HSF1: variants seen among roughly 807,000 people sequenced by gnomAD.
HSF1 encodes heat shock factor protein 1.
In HSF1, 32 loss-of-function variants were observed where a neutral mutation model predicts 51.7. The observed-to-expected ratio is 0.62, with a 90% confidence interval of 0.47 to 0.83. The LOEUF is 0.83. HSF1 is among the 40% of genes least tolerant of loss of function. The pLI is 0.00. For synonymous variants in HSF1, 396 were observed against 309.7 expected, an observed-to-expected ratio of 1.28 and a Z score of -2.92; for missense variants, 727 against 717.0, an observed-to-expected ratio of 1.01 and a Z score of -0.16.
At position 144,312,104 on chromosome 8, in the gene HSF1, C is replaced by A; in HGVS notation, c.1002C>A (p.Ile334=). The stretch of plus-strand genomic sequence containing the variant: ...CCCCGACCGCCCTCATTGACTCCAT[C>A]CTGCGGGAGAGTGAACCTGCCCCCG... ...LLSPTALIDS[I]LRESEPAPAS... The change falls in exon 9 of 13, where the codon ATC becomes ATA. Residue 334 remains isoleucine, a synonymous_variant. Transcript: ENST00000528838. 6.2e-7 allele frequency: 1 copy of A among 1,612,500 alleles called. No homozygotes were observed. The highest frequency in any genetic ancestry group is 8.5e-7 in the Non-Finnish European group (1 of 1,179,838).
chr8:144,300,664 G>A (rs1341615936), intron 1 of HSF1, among the ~76,000 whole-genome samples: 1 of 152,190 alleles, frequency 6.6e-6, no homozygotes, highest in Non-Finnish European at 1.5e-5. Context: ...CCTCAAAATT[G>A]TCAAGGTTCT....
At chr8:144,308,255 T>A (rs1258964529) in intron 1 of HSF1, among the ~76,000 whole-genome samples, 2 of 152,170 alleles carry the variant, frequency 1.3e-5, no homozygotes, top group Non-Finnish European at 2.9e-5. Context: ...CGATGTCCCC[T>A]CTGAGCCACC....
chr8:144,298,425 C>T (rs1456956554), intron 1 of HSF1, among the ~76,000 whole-genome samples: 5 of 144,238 alleles, frequency 3.5e-5, no homozygotes, highest in African/African-American at 1.0e-4. Context: ...GGTGAAACCC[C>T]GTCTCTACTA....
chr8:144,314,297 G>GCCTCCCAAAGCCAAGGAC lies in HSF1; in HGVS notation c.1560_1577dup (p.Pro521_Pro526dup), dbSNP rs1817074205. On this transcript the variant is annotated inframe_insertion, in exon 13 of 13. Coordinates refer to ENST00000528838, the MANE Select transcript of HSF1 (RefSeq NM_005526.4). ...CCATCTCCCTGCTGACAGGCTCGGA[G>GCCTCCCAAAGCCAAGGAC]CCTCCCAAAGCCAAGGACCCCACTG... 1 of 1,550,500 alleles carries GCCTCCCAAAGCCAAGGAC rather than the reference G, an allele frequency of 6.4e-7. No individual in the cohort carries two copies. The highest frequency in any genetic ancestry group is 1.4e-5 in the African/African-American group (1 of 73,058).
Position 144,309,616 on chromosome 8 carries a change from C to T in HSF1, c.363+25C>T, listed in dbSNP as rs35836645. ...TGTGAGTGCCGGCCCTGCACCCTTG[C>T]CCGGTCTCACCTGCCACAGCTCTCC... On this transcript the variant is annotated intron_variant, in intron 3 of 12. Transcript: ENST00000528838. 33 of 1,611,870 alleles carry T rather than the reference C, an allele frequency of 2.0e-5. No individual in the cohort carries two copies. In the South Asian group the frequency reaches 3.4e-4, roughly 17 times the overall value.
At chr8:144,292,389 C>T (rs1815151125) in intron 1 of HSF1, 1 of 152,400 alleles carries the variant, frequency 6.6e-6, no homozygotes, top group Non-Finnish European at 1.5e-5. Flanking sequence ...AGGTTGATCT[C>T]AAGCCCGTTT....
chr8:144,306,224 G>C (rs561843695), intron 1 of HSF1, among the ~76,000 whole-genome samples: 1 of 148,496 alleles, frequency 6.7e-6, no homozygotes, highest in Non-Finnish European at 1.5e-5. Context: ...TCTTTGCCTC[G>C]TAAGTCCAGT....
chr8:144,307,153 C>T (rs983474417), intron 1 of HSF1, among the ~76,000 whole-genome samples: 6 of 152,226 alleles, frequency 3.9e-5, no homozygotes, highest in Non-Finnish European at 5.9e-5. Flanking sequence ...CTCCTTCTCC[C>T]CAGCTGCCAG....
At chr8:144,311,135 TG>T in intron 4 of HSF1, 38 bp from the exon 5 acceptor site, 1 of 1,547,294 alleles carries the variant, frequency 6.5e-7, no homozygotes, top group Non-Finnish European at 8.8e-7. Flanking sequence ...CTGGGGCTCA[TG>T]GGATTGGGCC....
chr8:144,301,722 G>A (rs190367195), intron 1 of HSF1, among the ~76,000 whole-genome samples: 506 of 152,202 alleles, frequency 3.3e-3, no homozygotes, highest in African/African-American at 1.0e-2. Context: ...AAAATTAGCC[G>A]GGCGTGGTGG....
chr8:144,308,604 CCTT>C (rs546545437), intron 1 of HSF1, among the ~76,000 whole-genome samples: 133 of 152,320 alleles, frequency 8.7e-4, no homozygotes, highest in African/African-American at 3.0e-3. Flanking sequence ...GGAAACGTGG[CCTT>C]CTCTGGAAGC....
In HSF1 at chr8:144,291,906, G is replaced by A. The variant is rs1554840457; in HGVS notation, c.117+32G>A. On this transcript the variant is annotated intron_variant, in intron 1 of 12. Transcript: ENST00000528838. The surrounding 1 kb of genome is among the most constrained non-coding windows in gnomAD (Gnocchi z 4.1). ...GCAGCGCGCGGGCGCGGGGCCCGTGGGGACCGGGAGGGAGCAGGGCCGCGG... is the reference window on the plus strand; with the variant it reads ...GCAGCGCGCGGGCGCGGGGCCCGTGAGGACCGGGAGGGAGCAGGGCCGCGG... The A allele has an allele frequency of 2.4e-6, 3 of 1,259,478 alleles. No individual in the cohort carries two copies. Among genetic ancestry groups the A allele is most frequent in the South Asian group, 3.0e-5 (2 of 65,802 alleles). 78.0% of individuals were successfully genotyped at this position (1,259,478 alleles called of 1,614,324 possible). A position where few individuals can be genotyped will look rare whatever the true frequency, so the allele number is the denominator to read the frequency against.
rs782080128 is a variant in HSF1, at chr8:144,309,450, T to A, written c.227-5T>A. 17 of 1,613,790 alleles carry A rather than the reference T, an allele frequency of 1.1e-5. No individual in the cohort carries two copies. The East Asian group carries it at 2.9e-4, about 27-fold the overall frequency. ...CAGAGCTGCCCCCTTCCCTGTTATGTGCAGATGGCTTCCGGAAAGTGGTCC... is the reference window on the plus strand; with the variant it reads ...CAGAGCTGCCCCCTTCCCTGTTATGAGCAGATGGCTTCCGGAAAGTGGTCC... On this transcript the variant is annotated splice_region_variant and splice_polypyrimidine_tract_variant and intron_variant, in intron 2 of 12. Transcript: ENST00000528838.
At position 144,312,093 on chromosome 8, in the gene HSF1, A is replaced by G; in HGVS notation, c.991A>G (p.Ile331Val). The G allele has an allele frequency of 6.2e-7, 1 of 1,611,962 alleles. No individual in the cohort carries two copies. The highest frequency in any genetic ancestry group is 8.5e-7 in the Non-Finnish European group (1 of 1,179,756). The change falls in exon 9 of 13, where the codon ATT becomes GTT. Residue 331 changes from isoleucine to valine, a missense_variant. Physicochemically the swap from Ile to Val is conservative, Grantham distance 29. Around this residue, in one of 2 missense-constraint regions of HSF1, gnomAD observed 470 missense variants for 398.8 expected, o/e 1.18. Coordinates refer to ENST00000528838, the MANE Select transcript of HSF1 (RefSeq NM_005526.4). Reference sequence around the variant, plus strand: ...CACCCTCTTGTCCCCGACCGCCCTCATTGACTCCATCCTGCGGGAGAGTGA... The same window carrying G: ...CACCCTCTTGTCCCCGACCGCCCTCGTTGACTCCATCCTGCGGGAGAGTGA... ...VDTLLSPTAL[I>V]DSILRESEPA...
At chr8:144,307,111 A>G (rs1816274475) in intron 1 of HSF1, among the ~76,000 whole-genome samples, 1 of 152,168 alleles carries the variant, frequency 6.6e-6, no homozygotes, top group African/African-American at 2.4e-5. Context: ...GTCCTGGAAT[A>G]TCTCAGAGCT....
intron 4 of HSF1, 123 bp downstream of exon 4, chr8:144,310,019 C>G: frequency 8.4e-6 from 10 of 1,184,746 alleles, no homozygotes; most frequent in Non-Finnish European, 1.2e-5. Flanking sequence ...CCGCTCCACG[C>G]ACATCTACCC....
Position 144,312,189 on chromosome 8 carries a change from TCCCC to T in HSF1, c.1091_1094del (p.Pro364ArgfsTer12). 1.4e-6 allele frequency: 1 copy of T among 692,858 alleles called. No individual in the cohort carries two copies. The highest frequency in any genetic ancestry group is 2.1e-6 in the Non-Finnish European group (1 of 469,722). The allele number at this position is 692,858 out of a possible 1,614,324, so 42.9% of individuals were successfully genotyped here. A position where few individuals can be genotyped will look rare whatever the true frequency, so the allele number is the denominator to read the frequency against. Reference sequence around the variant, plus strand: ...CACGGACACCGAGGGCCGGCCTCCCTCCCCCCCGCCCACCTCCACCCCTGAAAAG... The same window carrying T: ...CACGGACACCGAGGGCCGGCCTCCCTCCCGCCCACCTCCACCCCTGAAAAG... On this transcript the variant is annotated frameshift_variant, in exon 9 of 13. Coordinates refer to ENST00000528838, the MANE Select transcript of HSF1 (RefSeq NM_005526.4). LOFTEE classifies it high-confidence loss of function.
In HSF1 at chr8:144,313,749, TCCCCG is replaced by T. The variant is rs1305644484; in HGVS notation, c.1249-89_1249-85del. 8.8e-4 allele frequency: 38 copies of T among 43,188 alleles called. 2 individuals carry two copies. Among genetic ancestry groups the T allele is most frequent in the African/African-American group, 6.4e-3 (20 of 3,136 alleles). The allele number at this position is 43,188 out of a possible 1,614,324, so 2.7% of individuals were successfully genotyped here. ...CCCCGCCTCCCCGCGCCTCCCCGCC[TCCCCG>T]CCCCGCCTCCCCGCCTCCCCGCCCC... On this transcript the variant is annotated intron_variant, in intron 10 of 12. Coordinates refer to ENST00000528838, the MANE Select transcript of HSF1 (RefSeq NM_005526.4).
In HSF1 at chr8:144,313,968, C is replaced by T. The variant is rs782519791; in HGVS notation, c.1315-17C>T. 1.9e-6 allele frequency: 3 copies of T among 1,610,802 alleles called. No individual in the cohort carries two copies. The highest frequency in any genetic ancestry group is 2.2e-5 in the East Asian group (1 of 44,778). Reference sequence around the variant, plus strand: ...GAGACCAGCGGGAGTGCTCACAATACCGTCTCCACCCCACAGATCCAAGAG... The same window carrying T: ...GAGACCAGCGGGAGTGCTCACAATATCGTCTCCACCCCACAGATCCAAGAG... On this transcript the variant is annotated splice_polypyrimidine_tract_variant and intron_variant, in intron 11 of 12. Transcript: ENST00000528838.
Sources: allele counts gnomAD v4.1 joint callset (sites outside exome capture counted in the v4.1 genomes callset), GRCh38; gene constraint gnomAD v4.1.1; regional missense constraint gnomAD v4.1.1; non-coding constraint Gnocchi (gnomAD v3.1); transcripts MANE v1.5; gene names NCBI Gene and HGNC (gene_info 2026-07-23, HGNC 2026-07-21).